Variants in ABCC10 observed in about 807,000 individuals in gnomAD.
The protein encoded by ABCC10 is ATP binding cassette subfamily C member 10, also known as ATP-binding cassette sub-family C member 10.
ABCC10 carries 110 observed loss-of-function variants against 143.2 expected under a neutral mutation model. The observed-to-expected ratio is 0.77, with a 90% confidence interval of 0.66 to 0.90. ABCC10 has a LOEUF of 0.90. Ranked by LOEUF, ABCC10 falls within the 40% of genes least tolerant of loss-of-function variation. ABCC10 has a pLI of 0.00. For synonymous variants in ABCC10, 805 were observed against 846.7 expected, an observed-to-expected ratio of 0.95 and a Z score of 0.85; for missense variants, 1,700 against 1,900.5, an observed-to-expected ratio of 0.89 and a Z score of 1.96.
chr6:43,447,204 C>G, intron 16 of ABCC10, 44 bp from the exon 17 acceptor site: 1 of 1,594,152 alleles, frequency 6.3e-7, no homozygotes, highest in Non-Finnish European at 8.5e-7. Context: ...CACAAACGTC[C>G]CGGTGTCCAA....
chr6:43,441,474 C>CA (rs553846461), intron 8 of ABCC10, among the ~76,000 whole-genome samples: 8,096 of 133,656 alleles, frequency 0.061, 253 homozygotes, highest in African/African-American at 0.086. Flanking sequence ...GACTCCGTCT[C>CA]AAAAAAAAAA....
Position 43,449,104 on chromosome 6 carries a change from C to T in ABCC10, c.4106-3C>T. ...CCCTGCAACGAAGATGCTTTCCTTG[C>T]AGGTGGTCTGGATGGTGAGCTGGGT... On this transcript the variant is annotated splice_polypyrimidine_tract_variant and splice_region_variant and intron_variant, in intron 19 of 21. Transcript: ENST00000372530. 1 of 1,614,056 alleles carries T rather than the reference C, an allele frequency of 6.2e-7. No individual in the cohort carries two copies.
At chr6:43,451,227 G>A (rs1171874691), downstream of ABCC10, 4 of 1,614,062 alleles carry the variant, frequency 2.5e-6, no homozygotes. This position sits in a 1 kb window ranked among gnomAD's most constrained non-coding sequence, Gnocchi z 4.4. Context: ...GAAGTTGAGA[G>A]CAAAGCCCTG....
chr6:43,446,670 AGCT>A, intron 16 of ABCC10: 1 of 985,124 alleles, frequency 1.0e-6, no homozygotes, highest in Non-Finnish European at 1.2e-6. Context: ...GAGTCTTCTG[AGCT>A]GCTGGTCTCA....
chr6:43,432,897 T>C lies in ABCC10; in HGVS notation c.917T>C (p.Leu306Pro). The change falls in exon 3 of 22, where the codon CTC (leucine) becomes CCC (proline). Residue 306 changes from leucine to proline, a missense_variant. Coordinates refer to ENST00000372530, the MANE Select transcript of ABCC10 (RefSeq NM_001198934.2). ...TTGGGATTCTCAGGGCCCCTGTTGC[T>C]CTCCCTACTGGTGGGCTTCCTGGAA... ...TMLGFSGPLL[L>P]SLLVGFLEEG... 6.2e-7 allele frequency: 1 copy of C among 1,614,098 alleles called. No homozygotes were observed. Among genetic ancestry groups the C allele is most frequent in the South Asian group, 1.1e-5 (1 of 91,084 alleles).
Position 43,447,848 on chromosome 6 carries a change from GT to G in ABCC10, c.3872del (p.Leu1291TrpfsTer7), listed in dbSNP as rs1783283877. ...RTGSGKSSLL[L>X]VLFRLLEPSS... is the part of the protein sequence containing the mutation. The stretch of plus-strand genomic sequence containing the variant: ...CAGGCTCCGGCAAGTCTTCCCTGTT[GT>G]TGGTGCTCTTCCGGCTGCTAGAGCC... On this transcript the variant is annotated frameshift_variant, in exon 18 of 22. Coordinates refer to ENST00000372530, the MANE Select transcript of ABCC10 (RefSeq NM_001198934.2). LOFTEE classifies it high-confidence loss of function. 5 of 1,613,770 alleles carry G rather than the reference GT, an allele frequency of 3.1e-6. No individual in the cohort carries two copies. Among genetic ancestry groups the G allele is most frequent in the Admixed American group, 1.7e-5 (1 of 60,008 alleles).
At chr6:43,437,455 AAAGGTAAACAG>A (rs1276811123) in intron 6 of ABCC10, among the ~76,000 whole-genome samples, 2 of 150,688 alleles carry the variant, frequency 1.3e-5, no homozygotes, top group African/African-American at 4.9e-5. Flanking sequence ...AAAAAAAAAA[AAAGGTAAACAG>A]AAAAATTTAA....
At chr6:43,434,474 G>A (rs1781471574) in intron 3 of ABCC10, 147 bp from the exon 4 acceptor site, 2 of 738,554 alleles carry the variant, frequency 2.7e-6, no homozygotes, top group East Asian at 2.5e-5. Flanking sequence ...GTACTGAGGT[G>A]AGGAAGAAAA....
chr6:43,438,885 G>A (rs1019948409), intron 8 of ABCC10, 90 bp downstream of exon 8: 39 of 1,497,628 alleles, frequency 2.6e-5, no homozygotes, highest in Admixed American at 3.7e-5. Context: ...CTGGAAAGGG[G>A]TTGCTTCTAC....
chr6:43,443,786 G>A lies in ABCC10; in HGVS notation c.2417-147G>A. On this transcript the variant is annotated intron_variant, in intron 10 of 21. Transcript: ENST00000372530. This position sits in a 1 kb window ranked among gnomAD's most constrained non-coding sequence, Gnocchi z 4.2. ...GTGGGTTAGAGAGGGAGGCCTAAGA[G>A]TCCTGCTCGAGGTCTAGGGGTATCC... The A allele has an allele frequency of 1.3e-6, 1 of 788,940 alleles. No homozygotes were observed. The highest frequency in any genetic ancestry group is 1.6e-5 in the South Asian group (1 of 63,812). 48.9% of individuals were successfully genotyped at this position (788,940 alleles called of 1,614,324 possible).
chr6:43,436,050 T>G (rs1256209195), intron 5 of ABCC10, 88 bp from the exon 6 acceptor site: 3 of 1,606,090 alleles, frequency 1.9e-6, no homozygotes, highest in Non-Finnish European at 2.6e-6. Context: ...CAGGTAGATA[T>G]GGGGCTGGCA....
downstream of ABCC10, chr6:43,451,357 C>A: frequency 6.7e-7 from 1 of 1,503,540 alleles, no homozygotes; most frequent in Non-Finnish European, 8.9e-7. This position sits in a 1 kb window ranked among gnomAD's most constrained non-coding sequence, Gnocchi z 4.4. Context: ...GACCACTGCC[C>A]GCCATGTCAT....
Position 43,443,213 on chromosome 6 carries a change from G to T in ABCC10, c.2416+54G>T. 6.6e-7 allele frequency: 1 copy of T among 1,503,866 alleles called. No homozygotes were observed. Among genetic ancestry groups the T allele is most frequent in the Admixed American group, 2.1e-5 (1 of 47,378 alleles). 93.2% of individuals were successfully genotyped at this position (1,503,866 alleles called of 1,614,324 possible). ...GAGGTGTCTGCCCAGGTCTGGCAGG[G>T]GATTGTGAAGTACAGACTCTGCCCC... On this transcript the variant is annotated intron_variant, in intron 10 of 21. Transcript: ENST00000372530. This position sits in a 1 kb window ranked among gnomAD's most constrained non-coding sequence, Gnocchi z 4.2.
chr6:43,438,504 C>T, intron 7 of ABCC10, 120 bp from the exon 8 acceptor site: 2 of 1,466,168 alleles, frequency 1.4e-6, no homozygotes, highest in South Asian at 1.4e-5. Flanking sequence ...AGTCATGTGA[C>T]ATGAAGGGGG....
chr6:43,446,760 G>C, intron 16 of ABCC10: 4 of 1,208,864 alleles, frequency 3.3e-6, no homozygotes, highest in Non-Finnish European at 4.1e-6. Flanking sequence ...GTCCCTCCCA[G>C]CTTCTCCAGG....
In ABCC10 at chr6:43,443,137, G is replaced by A. The variant is rs752492948; in HGVS notation, c.2394G>A (p.Glu798=). 1.2e-6 allele frequency: 2 copies of A among 1,604,432 alleles called. No homozygotes were observed. The highest frequency in any genetic ancestry group is 2.2e-5 in the East Asian group (1 of 44,788). Residue 798 remains glutamate (E), a synonymous_variant, in exon 10 of 22, where the codon GAG becomes GAA. Coordinates refer to ENST00000372530, the MANE Select transcript of ABCC10 (RefSeq NM_001198934.2). This position sits in a 1 kb window ranked among gnomAD's most constrained non-coding sequence, Gnocchi z 4.2. Reference sequence around the variant, plus strand: ...GGGCTGACGCGGTGCTGCTGATGGAGGCCGGGCGCCTCATCCGGGCTGGTA... The same window carrying A: ...GGGCTGACGCGGTGCTGCTGATGGAAGCCGGGCGCCTCATCCGGGCTGGTA... ...LERADAVLLM[E]AGRLIRAGPP...
intron 2 of ABCC10, among the ~76,000 whole-genome samples, chr6:43,429,372 T>TTTG (rs1780869728): frequency 2.0e-5 from 2 of 98,186 alleles, no homozygotes; most frequent in African/African-American, 1.0e-4. Flanking sequence ...CTTTTCTTTC[T>TTTG]TGTGTGTGTG....
At chr6:43,448,617 G>A (rs1361646698) in intron 18 of ABCC10, among the ~76,000 whole-genome samples, 1 of 152,178 alleles carries the variant, frequency 6.6e-6, no homozygotes, top group African/African-American at 2.4e-5. Context: ...TGGTTTGTGT[G>A]TGTGCACCTC....
downstream of ABCC10, chr6:43,451,391 C>T: frequency 7.9e-7 from 1 of 1,264,688 alleles, no homozygotes; most frequent in Non-Finnish European, 1.1e-6. This position sits in a 1 kb window ranked among gnomAD's most constrained non-coding sequence, Gnocchi z 4.4. Context: ...CTCCGAGCCT[C>T]AAATACCTCA....
Sources: gnomAD v4.1 joint callset for allele counts (sites outside exome capture counted in the v4.1 genomes callset) on GRCh38, gnomAD v4.1.1 for gene constraint, Gnocchi (gnomAD v3.1) non-coding constraint, MANE v1.5 for transcripts, NCBI Gene and HGNC (gene_info 2026-07-23, HGNC 2026-07-21) for gene names.